FNBP1: variants seen among roughly 807,000 people sequenced by gnomAD.
FNBP1 encodes the protein formin binding protein 1, also known as formin-binding protein 1.
Under a neutral mutation model 90.6 loss-of-function variants are expected in FNBP1, and 26 were observed. The ratio of observed to expected loss-of-function variants is 0.29; its 90% CI spans 0.21 to 0.40. The LOEUF (loss-of-function observed/expected upper bound fraction) is 0.40, where lower values mean the gene tolerates loss of function less well. FNBP1 is among the 10% of genes least tolerant of loss of function. The pLI, the probability that FNBP1 is intolerant of heterozygous loss-of-function variation, is 1.00. For missense variants in FNBP1, 635 were observed against 768.0 expected (o/e 0.83, Z 2.05); for synonymous variants, 260 against 265.2 (o/e 0.98, Z 0.19).
At chr9:130,032,830 T>G (rs746409063) in intron 1 of FNBP1, among the ~76,000 whole-genome samples, 4 of 152,164 alleles carry the variant, frequency 2.6e-5, no homozygotes, top group Non-Finnish European at 5.9e-5. Context: ...AGTATACTGC[T>G]AAAAATTAGT....
At chr9:130,050,185 A>G in the FNBP1 span, among the ~76,000 whole-genome samples, 14 of 152,336 alleles carry the variant, frequency 9.2e-5, no homozygotes, top group South Asian at 1.4e-3. Flanking sequence ...TAGGGACTCA[A>G]GAAAGCAATC....
chr9:129,993,763 T>G (rs1455883387), intron 2 of FNBP1, among the ~76,000 whole-genome samples: 4 of 151,942 alleles, frequency 2.6e-5, no homozygotes, highest in African/African-American at 9.7e-5. Context: ...TAGCTGGGAT[T>G]ACAGGCGCCT....
intron 16 of FNBP1, among the ~76,000 whole-genome samples, chr9:129,893,052 G>C (rs763082897): frequency 1.3e-5 from 2 of 152,024 alleles, no homozygotes; most frequent in South Asian, 2.1e-4. Context: ...CCCTATTTTC[G>C]AGTTTTTCAG....
At chr9:129,933,252 C>G (rs1365797956) in intron 6 of FNBP1, among the ~76,000 whole-genome samples, 1 of 152,020 alleles carries the variant, frequency 6.6e-6, no homozygotes, top group Non-Finnish European at 1.5e-5. Flanking sequence ...CACACACAAC[C>G]CATGAGAGCA....
Position 129,906,008 on chromosome 9 carries a change from C to T in FNBP1, c.1295+2882G>A, listed in dbSNP as rs570136523. ...AAGCGACTCTCCTGCCTCATCCTCC[C>T]GAGTAGCTGGGATTACAGACATGCG... is the stretch of plus-strand genomic sequence containing the variant. On this transcript the variant is annotated intron_variant, in intron 12 of 16. Coordinates refer to ENST00000446176, the MANE Select transcript of FNBP1 (RefSeq NM_015033.3). Among the ~76,000 whole-genome samples, 13 of 151,930 alleles carry T rather than the reference C, an allele frequency of 8.6e-5. No individual in the cohort carries two copies. In the South Asian group the frequency reaches 1.9e-3, roughly 22 times the overall value.
rs547906163 is a variant in FNBP1, at chr9:129,961,297, T to TA, written c.346-2745dup. On this transcript the variant is annotated intron_variant, in intron 4 of 16. Transcript: ENST00000446176. ...ATTGTACTCCAGCCTGGGTGACAGA[T>TA]AGAGACTCCATCTCAAAAAAACCCC... Among the ~76,000 whole-genome samples the TA allele has an allele frequency of 5.3e-5, 8 of 152,010 alleles. No individual in the cohort carries two copies. In the South Asian group the frequency reaches 1.7e-3, roughly 32 times the overall value.
intron 1 of FNBP1, among the ~76,000 whole-genome samples, chr9:130,040,883 A>G (rs564159382): frequency 6.6e-6 from 1 of 150,646 alleles, no homozygotes; most frequent in Admixed American, 6.6e-5. Flanking sequence ...ACTCTGTCTC[A>G]CTATCTCCCA....
rs758539021 is a variant in FNBP1, at chr9:129,914,871, G to A, written c.1185+1095C>T. On this transcript the variant is annotated intron_variant, in intron 11 of 16. Coordinates refer to ENST00000446176, the MANE Select transcript of FNBP1 (RefSeq NM_015033.3). ...TCTTACTCCTAGTAGAACTGTCACA[G>A]TTGATCACTGTCCATTATTTTAGGA... 7 of 453,928 alleles carry A rather than the reference G, an allele frequency of 1.5e-5. No individual in the cohort carries two copies. The East Asian group carries it at 4.7e-4, about 30-fold the overall frequency. The allele number at this position is 453,928 out of a possible 1,614,324, so 28.1% of individuals were successfully genotyped here.
At chr9:129,949,302 T>C (rs954366995) in intron 6 of FNBP1, among the ~76,000 whole-genome samples, 2 of 152,226 alleles carry the variant, frequency 1.3e-5, no homozygotes, top group African/African-American at 4.8e-5. Flanking sequence ...TCAATTAAGC[T>C]GATTTCCTCT....
chr9:129,986,403 A>G (rs187970410), intron 2 of FNBP1, among the ~76,000 whole-genome samples: 10 of 152,250 alleles, frequency 6.6e-5, no homozygotes, highest in African/African-American at 2.4e-4. Flanking sequence ...AAAATATACC[A>G]CTATAGAACC....
chr9:130,024,253 C>CCA (rs1554868148), intron 1 of FNBP1, among the ~76,000 whole-genome samples: 3 of 151,536 alleles, frequency 2.0e-5, no homozygotes, highest in African/African-American at 7.3e-5. Context: ...CTACCCCCCC[C>CCA]AAAAAAACAG....
At chr9:129,926,173 T>C (rs1272185698) in intron 8 of FNBP1, among the ~76,000 whole-genome samples, 1 of 152,032 alleles carries the variant, frequency 6.6e-6, no homozygotes, top group Non-Finnish European at 1.5e-5. Context: ...GGTTTCACCA[T>C]GTTGGCCAGG....
At chr9:129,896,953 G>A (rs2035880167) in intron 15 of FNBP1, among the ~76,000 whole-genome samples, 1 of 152,112 alleles carries the variant, frequency 6.6e-6, no homozygotes, top group Non-Finnish European at 1.5e-5. Context: ...TTTAAACACT[G>A]TCCTCACATA....
intron 13 of FNBP1, among the ~76,000 whole-genome samples, 160 bp downstream of exon 13, chr9:129,902,709 C>T (rs571307351): frequency 3.3e-5 from 5 of 152,236 alleles, no homozygotes; most frequent in African/African-American, 4.8e-5. Flanking sequence ...TGTTCAACGG[C>T]GAAGAGTGTA....
At chr9:129,996,399 G>C (rs1431452561) in intron 1 of FNBP1, among the ~76,000 whole-genome samples, 3 of 152,164 alleles carry the variant, frequency 2.0e-5, no homozygotes, top group Non-Finnish European at 1.5e-5. Flanking sequence ...GAGAATTCCA[G>C]TGGAAATGGA....
chr9:129,911,947 AC>A (rs55901969), intron 11 of FNBP1, among the ~76,000 whole-genome samples: 2 of 149,548 alleles, frequency 1.3e-5, no homozygotes, highest in Non-Finnish European at 3.0e-5. Context: ...AAAAAAAAAA[AC>A]CCAAAAACAA....
chr9:130,017,331 C>A (rs2057339849), intron 1 of FNBP1, among the ~76,000 whole-genome samples: 1 of 152,124 alleles, frequency 6.6e-6, no homozygotes, highest in Non-Finnish European at 1.5e-5. Context: ...GTAGTTGGTT[C>A]TACTTAATAA....
chr9:130,006,763 A>T (rs1467087827), intron 1 of FNBP1, among the ~76,000 whole-genome samples: 1 of 152,200 alleles, frequency 6.6e-6, no homozygotes, highest in East Asian at 1.9e-4. Context: ...GAAAACACTA[A>T]GGAGTCTGTT....
intron 16 of FNBP1, among the ~76,000 whole-genome samples, chr9:129,893,590 G>A (rs1243518638): frequency 1.0e-5 from 1 of 98,590 alleles, no homozygotes; most frequent in African/African-American, 4.1e-5. Context: ...TTGAGTCTAG[G>A]TGACAGAGTG....
Sources: allele counts gnomAD v4.1 joint callset (sites outside exome capture counted in the v4.1 genomes callset), GRCh38; gene constraint gnomAD v4.1.1; transcripts MANE v1.5; gene names NCBI Gene and HGNC (gene_info 2026-07-23, HGNC 2026-07-21).